JMJD1C: variants seen among roughly 807,000 people sequenced by gnomAD.
JMJD1C encodes the protein jumonji domain-containing protein 1C.
In JMJD1C, 31 loss-of-function variants were observed where a neutral mutation model predicts 245.3. The observed-to-expected ratio is 0.13, with a 90% CI of 0.09 to 0.17. JMJD1C has a LOEUF of 0.17. JMJD1C is among the 10% of genes least tolerant of loss of function. JMJD1C has a pLI of 1.00. For missense variants in JMJD1C, 2,691 were observed against 3,000.2 expected (o/e 0.90, Z 2.41); for synonymous variants, 1,057 against 1,017.4 (o/e 1.04, Z -0.74).
At chr10:63,399,171 C>G (rs550247435) in intron 1 of JMJD1C, among the ~76,000 whole-genome samples, 1 of 152,304 alleles carries the variant, frequency 6.6e-6, no homozygotes, top group East Asian at 1.9e-4. Context: ...GTTATTCTTA[C>G]TGATGTCAAA....
intron 2 of JMJD1C, among the ~76,000 whole-genome samples, chr10:63,367,647 GAGA>G: frequency 6.6e-6 from 1 of 152,348 alleles, no homozygotes; most frequent in South Asian, 2.1e-4. Context: ...AAGGCCTGAA[GAGA>G]AGACCTAGAT....
At chr10:63,282,016 C>G (rs1377630162) in intron 2 of JMJD1C, among the ~76,000 whole-genome samples, 1 of 152,086 alleles carries the variant, frequency 6.6e-6, no homozygotes, top group Admixed American at 6.5e-5. Context: ...CTTTTTTGGT[C>G]AAAAGCTAGT....
intron 8 of JMJD1C, among the ~76,000 whole-genome samples, chr10:63,212,598 C>G (rs1026706357): frequency 6.6e-6 from 1 of 152,116 alleles, no homozygotes; most frequent in African/African-American, 2.4e-5. Flanking sequence ...TCAGCTGCAG[C>G]TTTACCCTCA....
chr10:63,512,885 C>T (rs182407218), intron 1 of JMJD1C, among the ~76,000 whole-genome samples: 81 of 152,240 alleles, frequency 5.3e-4, no homozygotes, highest in African/African-American at 1.9e-3. Flanking sequence ...GAGTTTTTCT[C>T]TGTCATTTTT....
chr10:63,442,581 A>G (rs992829580), intron 1 of JMJD1C, among the ~76,000 whole-genome samples: 17 of 152,212 alleles, frequency 1.1e-4, no homozygotes, highest in Non-Finnish European at 2.4e-4. Context: ...AAACGAAGAG[A>G]AAGTTTTCAA....
intron 5 of JMJD1C, 22 bp downstream of exon 5, chr10:63,217,185 A>T: frequency 6.3e-7 from 1 of 1,591,824 alleles, no homozygotes; most frequent in Non-Finnish European, 8.5e-7. Context: ...ATCTCTATAA[A>T]AATATTAGTG....
At position 63,167,700 on chromosome 10, in the gene JMJD1C, A is replaced by C. The variant is rs1022110733; in HGVS notation, c.*345T>G. Reference sequence around the variant, plus strand: ...TATCAGTAATTTTAGTAAACTGTACAAGGTCACATTTACACTTGATCAACA... The same window carrying C: ...TATCAGTAATTTTAGTAAACTGTACCAGGTCACATTTACACTTGATCAACA... On this transcript the variant is annotated 3_prime_UTR_variant, in exon 26 of 26. Transcript: ENST00000399262. 1 of 169,970 alleles carries C rather than the reference A, an allele frequency of 5.9e-6. No homozygotes were observed. The highest frequency in any genetic ancestry group is 2.4e-5 in the African/African-American group (1 of 42,160). The allele number at this position is 169,970 out of a possible 1,614,324, so 10.5% of individuals were successfully genotyped here. A position where few individuals can be genotyped will look rare whatever the true frequency, so the allele number is the denominator to read the frequency against.
At chr10:63,316,587 C>T (rs1319577198) in intron 2 of JMJD1C, among the ~76,000 whole-genome samples, 1 of 151,950 alleles carries the variant, frequency 6.6e-6, no homozygotes, top group Non-Finnish European at 1.5e-5. Flanking sequence ...AGCTGAGATC[C>T]CAGGTGCCCA....
rs1849337834 is a variant in JMJD1C, at chr10:63,226,744, GA to G, written c.448-6762del. Among the ~76,000 whole-genome samples, 6 of 146,474 alleles carry G rather than the reference GA, an allele frequency of 4.1e-5. No individual in the cohort carries two copies. The South Asian group carries it at 8.7e-4, about 21-fold the overall frequency. On this transcript the variant is annotated intron_variant, in intron 3 of 25. Coordinates refer to ENST00000399262, the MANE Select transcript of JMJD1C (RefSeq NM_032776.3). ...AAAAAAAAAAAAAAAAAGAGAGAGA[GA>G]AGGACATGATGGAGTAAAAGGCTGA...
intron 1 of JMJD1C, among the ~76,000 whole-genome samples, chr10:63,440,655 A>T (rs549050894): frequency 1.9e-4 from 29 of 152,196 alleles, no homozygotes; most frequent in African/African-American, 5.8e-4. Flanking sequence ...ACTGAGTCTC[A>T]GAAGGAAGAG....
At chr10:63,200,239 C>G (rs114054314) in intron 11 of JMJD1C, among the ~76,000 whole-genome samples, 369 of 152,128 alleles carry the variant, frequency 2.4e-3, no homozygotes, top group African/African-American at 7.7e-3. Context: ...AAGAATAAAT[C>G]TCTCAGAACA....
intron 1 of JMJD1C, among the ~76,000 whole-genome samples, chr10:63,491,217 C>T (rs10761776): frequency 0.66 from 100,268 of 151,928 alleles, 35,997 homozygotes; most frequent in Non-Finnish European, 0.81. Context: ...CTATTACCTT[C>T]CTCATCTCAT....
At chr10:63,513,949 C>T (rs536286530) in intron 1 of JMJD1C, among the ~76,000 whole-genome samples, 2 of 151,374 alleles carry the variant, frequency 1.3e-5, no homozygotes, top group African/African-American at 4.9e-5. Context: ...TAAAATAACC[C>T]CATTTAAAAA....
At chr10:63,205,179 A>G (rs1846449142) in intron 10 of JMJD1C, 1 of 264,862 alleles carries the variant, frequency 3.8e-6, no homozygotes. Flanking sequence ...AGCTATTAAT[A>G]TGGCAATTCT....
intron 2 of JMJD1C, among the ~76,000 whole-genome samples, chr10:63,358,113 A>C (rs1382054014): frequency 1.3e-5 from 2 of 152,192 alleles, no homozygotes; most frequent in African/African-American, 4.8e-5. Flanking sequence ...AATTCCAAGT[A>C]TAACAAAAGA....
chr10:63,478,445 T>A, intron 1 of JMJD1C, among the ~76,000 whole-genome samples: 1 of 152,152 alleles, frequency 6.6e-6, no homozygotes, highest in East Asian at 1.9e-4. Context: ...AAATGAAATA[T>A]TATACATGCA....
chr10:63,446,863 G>A (rs56721758), intron 1 of JMJD1C, among the ~76,000 whole-genome samples: 5,594 of 152,092 alleles, frequency 0.037, 330 homozygotes, highest in East Asian at 0.28. Flanking sequence ...AACAAACTGG[G>A]GACAATCTGT....
chr10:63,242,633 G>C (rs1326952199), intron 3 of JMJD1C, among the ~76,000 whole-genome samples: 1 of 152,190 alleles, frequency 6.6e-6, no homozygotes, highest in Non-Finnish European at 1.5e-5. Context: ...GGCTGAGGCA[G>C]GAGAATCACT....
rs772773150 is a variant in JMJD1C at position 63,184,667 on chromosome 10, G to C, written c.6902C>G (p.Ser2301Cys). 1.5e-5 allele frequency: 24 copies of C among 1,613,912 alleles called. No homozygotes were observed. The highest frequency in any genetic ancestry group is 2.0e-5 in the Non-Finnish European group (24 of 1,179,836). ...ACGTACAAAAAATCCTGGCAAATGAGAGGCCAAATTGAATTTTCCTTCTGG... is the reference window on the plus strand; with the variant it reads ...ACGTACAAAAAATCCTGGCAAATGACAGGCCAAATTGAATTTTCCTTCTGG... ...CNPEGKFNLA[S>C]HLPGFFVRPD... Residue 2301 changes from serine to cysteine, a missense_variant, in exon 21 of 26, where the codon TCT becomes TGT. Coordinates refer to ENST00000399262, the MANE Select transcript of JMJD1C (RefSeq NM_032776.3).
Sources: gnomAD v4.1 joint callset for allele counts (sites outside exome capture counted in the v4.1 genomes callset) on GRCh38, gnomAD v4.1.1 for gene constraint, MANE v1.5 for transcripts, NCBI Gene and HGNC (gene_info 2026-07-23, HGNC 2026-07-21) for gene names.